The following ASXL3 variants were observed in gnomAD, a reference collection of about 807,000 sequenced individuals.
The protein encoded by ASXL3 is ASXL transcriptional regulator 3.
ASXL3 carries 34 observed loss-of-function variants against 170.6 expected under a neutral mutation model. The ratio of observed to expected loss-of-function variants is 0.20; its 90% CI spans 0.15 to 0.27. The LOEUF (loss-of-function observed/expected upper bound fraction) is 0.27, where lower values mean the gene tolerates loss of function less well. Among genes scored for constraint, ASXL3 ranks in the 10% least tolerant of loss-of-function variants. The probability of loss-of-function intolerance (pLI) is 1.00; values close to 1 mark genes in which losing one functional copy is unlikely to be tolerated. For missense variants in ASXL3, 2,592 were observed against 2,695.3 expected, an observed-to-expected ratio of 0.96 and a Z score of 0.85; for synonymous variants, 1,002 against 989.1, an observed-to-expected ratio of 1.01 and a Z score of -0.24.
At chr18:33,596,344 G>A (rs1158117524) in intron 1 of ASXL3, among the ~76,000 whole-genome samples, 1 of 152,018 alleles carries the variant, frequency 6.6e-6, no homozygotes, top group African/African-American at 2.4e-5. Flanking sequence ...AAATTTTATT[G>A]TATTTCATTT....
intron 5 of ASXL3, among the ~76,000 whole-genome samples, chr18:33,667,527 T>G (rs555884758): frequency 1.3e-5 from 2 of 152,336 alleles, no homozygotes; most frequent in East Asian, 3.9e-4. Context: ...TGTTTTTTGT[T>G]TTTTAATTTC....
At chr18:33,718,451 C>T (rs900417018) in intron 8 of ASXL3, among the ~76,000 whole-genome samples, 2 of 152,130 alleles carry the variant, frequency 1.3e-5, no homozygotes, top group African/African-American at 4.8e-5. Flanking sequence ...CAGTTATTAT[C>T]TCCATCGGTT....
intron 7 of ASXL3, among the ~76,000 whole-genome samples, chr18:33,679,625 T>C (rs1300357952): frequency 1.3e-5 from 2 of 152,138 alleles, no homozygotes; most frequent in Non-Finnish European, 2.9e-5. Context: ...AAAGTTTATC[T>C]TTAGAGCCAT....
rs769630683 is a variant in ASXL3 at position 33,739,299 on chromosome 18, C to T, written c.1895C>T (p.Thr632Ile). ...CTSLPSPGGE[T>I]QSTSEESCTP... ...AGCCTGCCTTCTCCAGGAGGGGAAA[C>T]ACAGTCCACATCAGAAGAATCATGT... is the stretch of plus-strand genomic sequence containing the variant. Residue 632 changes from threonine (T) to isoleucine (I), a missense_variant, in exon 11 of 12, where the codon ACA becomes ATA. This residue lies in a region of ASXL3 where 2,246 missense variants were observed against 2,219.6 expected (regional missense o/e 1.01). Transcript: ENST00000269197. 1.2e-6 allele frequency: 2 copies of T among 1,613,558 alleles called. No homozygotes were observed. The highest frequency in any genetic ancestry group is 8.5e-7 in the Non-Finnish European group (1 of 1,179,696).
At chr18:33,586,468 C>T (rs985383726) in intron 1 of ASXL3, among the ~76,000 whole-genome samples, 1 of 149,964 alleles carries the variant, frequency 6.7e-6, no homozygotes, top group Non-Finnish European at 1.5e-5. Flanking sequence ...TATTTTTCTT[C>T]TTCATTTCTT....
chr18:33,703,142 T>G (rs2066904204), intron 8 of ASXL3, among the ~76,000 whole-genome samples: 2 of 152,156 alleles, frequency 1.3e-5, no homozygotes, highest in Admixed American at 6.6e-5. Context: ...GTTACATTCA[T>G]AAAGCTACCA....
intron 8 of ASXL3, among the ~76,000 whole-genome samples, chr18:33,700,863 G>A (rs2145325554): frequency 6.6e-6 from 1 of 152,112 alleles, no homozygotes; most frequent in East Asian, 1.9e-4. Flanking sequence ...AAAGAACAAT[G>A]AACTGGGTAA....
At chr18:33,641,559 G>A (rs919328326) in intron 2 of ASXL3, among the ~76,000 whole-genome samples, 6 of 152,146 alleles carry the variant, frequency 3.9e-5, no homozygotes, top group African/African-American at 1.4e-4. Flanking sequence ...TGGGCTTTCT[G>A]AACAAAATGA....
At chr18:33,699,539 C>T (rs2066833878) in intron 8 of ASXL3, among the ~76,000 whole-genome samples, 1 of 151,978 alleles carries the variant, frequency 6.6e-6, no homozygotes, top group African/African-American at 2.4e-5. Context: ...ATGCATTTCA[C>T]CGATGTGGTT....
intron 7 of ASXL3, among the ~76,000 whole-genome samples, chr18:33,677,046 A>G (rs2066441631): frequency 6.6e-6 from 1 of 152,212 alleles, no homozygotes; most frequent in Admixed American, 6.5e-5. Context: ...ACCCAGTCAC[A>G]TAGTAAGAGT....
chr18:33,616,244 G>T (rs2065420527), intron 2 of ASXL3, among the ~76,000 whole-genome samples: 1 of 152,044 alleles, frequency 6.6e-6, no homozygotes, highest in South Asian at 2.1e-4. Context: ...ATCGACTTGG[G>T]CTTGGGTAAC....
intron 2 of ASXL3, among the ~76,000 whole-genome samples, chr18:33,608,620 A>G (rs1350071421): frequency 6.6e-6 from 1 of 151,976 alleles, no homozygotes; most frequent in East Asian, 1.9e-4. Flanking sequence ...ATGTTGTCAT[A>G]TGTGTATGTA....
At chr18:33,609,363 G>C (rs2065299358) in intron 2 of ASXL3, among the ~76,000 whole-genome samples, 1 of 151,946 alleles carries the variant, frequency 6.6e-6, no homozygotes, top group Non-Finnish European at 1.5e-5. Flanking sequence ...CCTAAAAGCA[G>C]ACGTTTGAAA....
intron 4 of ASXL3, among the ~76,000 whole-genome samples, chr18:33,651,998 A>G (rs1238405631): frequency 6.6e-6 from 1 of 152,114 alleles, no homozygotes; most frequent in African/African-American, 2.4e-5. Flanking sequence ...GAGTTTCTCA[A>G]GTTAATAATA....
At position 33,746,922 on chromosome 18, in the gene ASXL3, T is replaced by G. The variant is rs1457506783; in HGVS notation, c.*327T>G. On this transcript the variant is annotated 3_prime_UTR_variant, in exon 12 of 12. Coordinates refer to ENST00000269197, the MANE Select transcript of ASXL3 (RefSeq NM_030632.3). ...TAGATAGGAAAAGGACATTTTTAAT[T>G]ACTTAATAACCGGAAATGCAGATGT... 22 of 221,704 alleles carry G rather than the reference T, an allele frequency of 9.9e-5. No homozygotes were observed. The highest frequency in any genetic ancestry group is 7.0e-5 in the Non-Finnish European group (8 of 113,972). The allele number at this position is 221,704 out of a possible 1,614,324, so 13.7% of individuals were successfully genotyped here.
At chr18:33,729,169 G>T (rs7230463) in intron 8 of ASXL3, among the ~76,000 whole-genome samples, 1 of 151,942 alleles carries the variant, frequency 6.6e-6, no homozygotes, top group African/African-American at 2.4e-5. Context: ...GCCAAAGCCA[G>T]GGGTTAAATA....
chr18:33,741,250 CAA>C (rs1204151530), intron 11 of ASXL3, among the ~76,000 whole-genome samples: 8 of 151,972 alleles, frequency 5.3e-5, no homozygotes, highest in Admixed American at 3.9e-4. Flanking sequence ...AGCTTATTTT[CAA>C]AGTCATATGG....
In ASXL3 at chr18:33,745,885, G is replaced by C. The variant is rs1393187102; in HGVS notation, c.6037G>C (p.Ala2013Pro). The part of the protein sequence containing the change: ...GGTAHTMPNK[A>P]LVHPPPPPPP... ...CACTGCACACACAATGCCAAACAAA[G>C]CACTAGTACATCCGCCGCCGCCACC... Residue 2013 changes from alanine (A) to proline (P), a missense_variant, in exon 12 of 12, where the codon GCA becomes CCA. Transcript: ENST00000269197. 1 of 1,613,250 alleles carries C rather than the reference G, an allele frequency of 6.2e-7. No homozygotes were observed. Among genetic ancestry groups the C allele is most frequent in the African/African-American group, 1.3e-5 (1 of 74,814 alleles).
intron 1 of ASXL3, among the ~76,000 whole-genome samples, chr18:33,591,931 ATT>A (rs948564214): frequency 6.8e-6 from 1 of 146,746 alleles, no homozygotes; most frequent in Non-Finnish European, 1.5e-5. Flanking sequence ...AACACTACTT[ATT>A]TTTTTTTTTG....
Sources: allele counts gnomAD v4.1 joint callset (sites outside exome capture counted in the v4.1 genomes callset), GRCh38; gene constraint gnomAD v4.1.1; regional missense constraint gnomAD v4.1.1; transcripts MANE v1.5; gene names NCBI Gene and HGNC (gene_info 2026-07-23, HGNC 2026-07-21).